The following R3HCC1 variants were observed in gnomAD, a reference collection of about 807,000 sequenced individuals.
The protein encoded by R3HCC1 is R3H domain and coiled-coil containing 1, also known as R3H and coiled-coil domain-containing protein 1.
A neutral mutation model predicts 40.0 loss-of-function variants in R3HCC1; 32 were observed. The ratio of observed to expected loss-of-function variants is 0.80; its 90% CI spans 0.60 to 1.07. The LOEUF is 1.07. Among genes scored for constraint, R3HCC1 ranks in the 50% least tolerant of loss-of-function variants. The pLI is 0.00. For missense variants in R3HCC1, 586 were observed against 563.3 expected, an observed-to-expected ratio of 1.04 and a Z score of -0.41; for synonymous variants, 237 against 232.8, an observed-to-expected ratio of 1.02 and a Z score of -0.17.
In R3HCC1 at chr8:23,294,828, A is replaced by G. The variant is rs1376976124; in HGVS notation, c.1156A>G (p.Thr386Ala). 7 of 1,551,268 alleles carry G rather than the reference A, an allele frequency of 4.5e-6. No individual in the cohort carries two copies. Among genetic ancestry groups the G allele is most frequent in the Non-Finnish European group, 5.2e-6 (6 of 1,146,888 alleles). Residue 386 changes from threonine to alanine, a missense_variant, in exon 7 of 8, where the codon ACC becomes GCC. Physicochemically the swap from Thr to Ala is moderately conservative, Grantham distance 58. Transcript: ENST00000265806. ...CAAGATCCGGCCCCTCACACAGGGA[A>G]CCAAGCAGTCAAAGCTCAAAGCCTT...
At chr8:23,295,584 G>A (rs1198975183) in intron 7 of R3HCC1, 1 of 461,118 alleles carries the variant, frequency 2.2e-6, no homozygotes, top group African/African-American at 2.0e-5. Flanking sequence ...AGCCAACATG[G>A]TCCAGGGTTT....
Position 23,289,102 on chromosome 8 carries a change from C to G in R3HCC1, c.197C>G (p.Ser66Cys). The G allele has an allele frequency of 6.5e-7, 1 of 1,536,446 alleles. No individual in the cohort carries two copies. Among genetic ancestry groups the G allele is most frequent in the Non-Finnish European group, 8.7e-7 (1 of 1,146,972 alleles). ...AATTTTGATCTCTTGAGCAGCTTCT[C>G]CGTTGGGGAGGGCTGGAAGAGGAGG... is the stretch of plus-strand genomic sequence containing the variant. Residue 66 changes from serine (S) to cysteine (C), a missense_variant, in exon 3 of 8, where the codon TCC (serine) becomes TGC (cysteine). Physicochemically the swap from Ser to Cys is moderately radical, Grantham distance 112. Transcript: ENST00000265806.
intron 1 of R3HCC1, 138 bp from the exon 2 acceptor site, chr8:23,288,368 G>A (rs1802786325): frequency 4.7e-6 from 6 of 1,284,330 alleles, no homozygotes; most frequent in Non-Finnish European, 6.3e-6. Context: ...GACTTGCCGG[G>A]GGTCCCTGGC....
rs1234810903 is a variant in R3HCC1, at chr8:23,288,533, C to T, written c.10C>T (p.Leu4Phe). Residue 4 changes from leucine (L) to phenylalanine (F), a missense_variant, in exon 2 of 8, where the codon CTC becomes TTC. By Grantham distance (22) the Leu-to-Phe change is conservative (BLOSUM62 0). Transcript: ENST00000265806. ...TCTCCCACCTGTCACCCTGGCCCTT[C>T]TCTGCTTGGATGGTGTCTTCCTCTC... is the stretch of plus-strand genomic sequence containing the variant. The T allele has an allele frequency of 6.5e-7, 1 of 1,536,132 alleles. No individual in the cohort carries two copies. The highest frequency in any genetic ancestry group is 1.2e-5 in the South Asian group (1 of 84,062).
rs1227884574 is a variant in R3HCC1, at chr8:23,295,597, T to G, written c.1193-370T>G. 1.1e-5 allele frequency: 5 copies of G among 462,908 alleles called. No individual in the cohort carries two copies. The Admixed American group carries it at 1.3e-4, about 12-fold the overall frequency. The allele number at this position is 462,908 out of a possible 1,614,324, so 28.7% of individuals were successfully genotyped here. ...GTAGCCAACATGGTCCAGGGTTTCT[T>G]GGAACAATAAATATCCTGTCCGTAG... On this transcript the variant is annotated intron_variant, in intron 7 of 7. Coordinates refer to ENST00000265806, the MANE Select transcript of R3HCC1 (RefSeq NM_001136108.3).
chr8:23,289,399 T>A (rs74549941), intron 3 of R3HCC1, among the ~76,000 whole-genome samples: 3,580 of 152,254 alleles, frequency 0.024, 59 homozygotes, highest in African/African-American at 0.04. Flanking sequence ...AGAGATCTGT[T>A]TAAGTAGTGG....
rs544049979 is a variant in R3HCC1, at chr8:23,293,435, G to A, written c.1096+62G>A. The A allele has an allele frequency of 6.0e-6, 8 of 1,336,448 alleles. No homozygotes were observed. In the East Asian group the frequency reaches 2.0e-4, roughly 34 times the overall value. 82.8% of individuals were successfully genotyped at this position (1,336,448 alleles called of 1,614,324 possible). A position where few individuals can be genotyped will look rare whatever the true frequency, so the allele number is the denominator to read the frequency against. On this transcript the variant is annotated intron_variant, in intron 6 of 7. Transcript: ENST00000265806. ...TCCCTGTTGAGAGGGAGGACCCTTG[G>A]TTCCCTGGGTAGAGGCCACCATCTC...
At chr8:23,288,461 G>T (rs1445185782) in intron 1 of R3HCC1, 45 bp from the exon 2 acceptor site, 6 of 1,528,526 alleles carry the variant, frequency 3.9e-6, no homozygotes, top group Non-Finnish European at 5.3e-6. Context: ...CGGGAGATCC[G>T]GGGGTCTGTG....
At position 23,290,362 on chromosome 8, in the gene R3HCC1, C is replaced by T. The variant is rs1164042806; in HGVS notation, c.745C>T (p.Leu249=). 2 of 1,551,700 alleles carry T rather than the reference C, an allele frequency of 1.3e-6. No homozygotes were observed. Among genetic ancestry groups the T allele is most frequent in the African/African-American group, 1.4e-5 (1 of 73,008 alleles). Residue 249 remains leucine (L), a synonymous_variant, in exon 4 of 8, where the codon CTG becomes TTG. Coordinates refer to ENST00000265806, the MANE Select transcript of R3HCC1 (RefSeq NM_001136108.3). ...AGACCTGGAAAAGGGGAAGGAGAGT[C>T]TGTTGGAGAAGAGGCTGGTGGCAGA...
At chr8:23,293,948 C>T (rs1236548695) in intron 6 of R3HCC1, among the ~76,000 whole-genome samples, 2 of 152,138 alleles carry the variant, frequency 1.3e-5, no homozygotes, top group East Asian at 3.9e-4. Context: ...CTGCATTGCC[C>T]TGCCACACCA....
intron 7 of R3HCC1, chr8:23,295,478 T>TA (rs1164387344): frequency 4.4e-6 from 2 of 457,622 alleles, no homozygotes; most frequent in Non-Finnish European, 8.8e-6. Flanking sequence ...TGAGAGATTT[T>TA]AGACACGAGT....
intron 2 of R3HCC1, 41 bp from the exon 3 acceptor site, chr8:23,288,958 ACCTGGTAGGGGCCAGGC>A: frequency 1.3e-6 from 2 of 1,523,844 alleles, no homozygotes; most frequent in Admixed American, 2.0e-5. Flanking sequence ...CTGGGAGTGG[ACCTGGTAGGGGCCAGGC>A]CCTGGACACC....
In R3HCC1 at chr8:23,288,506, G is replaced by T; in HGVS notation, c.-18G>T. 1 of 1,535,958 alleles carries T rather than the reference G, an allele frequency of 6.5e-7. No homozygotes were observed. The highest frequency in any genetic ancestry group is 8.7e-7 in the Non-Finnish European group (1 of 1,146,818). On this transcript the variant is annotated splice_region_variant and 5_prime_UTR_variant, in exon 2 of 8. Transcript: ENST00000265806. ...CCGGCCCTGCCCGTCTCTCTTACAG[G>T]CTCTCCCACCTGTCACCCTGGCCCT...
At chr8:23,290,562 AG>A in intron 4 of R3HCC1, 93 bp downstream of exon 4, 1 of 1,394,438 alleles carries the variant, frequency 7.2e-7, no homozygotes. Flanking sequence ...TGTGGAGAGC[AG>A]GGGATGTGCA....
chr8:23,296,058 GAA>G lies in R3HCC1; in HGVS notation c.1286_1287del (p.Lys429ArgfsTer56), dbSNP rs950201141. 7.1e-6 allele frequency: 11 copies of G among 1,550,568 alleles called. No individual in the cohort carries two copies. The African/African-American group carries it at 1.5e-4, about 21-fold the overall frequency. On this transcript the variant is annotated frameshift_variant, in exon 8 of 8. Transcript: ENST00000265806. LOFTEE classifies it low-confidence loss of function (END_TRUNC). ...GGGCCCTGGGACTCCAACACAAAAA[GAA>G]AGAGCGGCCTGCTGTCCGGGGTCCG...
Position 23,295,975 on chromosome 8 carries a change from C to T in R3HCC1, c.1201C>T (p.Arg401Cys), listed in dbSNP as rs376327043. Residue 401 changes from arginine to cysteine, a missense_variant, in exon 8 of 8, where the codon CGT becomes TGT. By Grantham distance (180) the Arg-to-Cys change is radical (BLOSUM62 -3). Transcript: ENST00000265806. ...TGGGGCTTTCCTTCTAGAACTCCTG[C>T]GTCTGGTGAAGGAGAGGCCACAGAC... 248 of 1,549,580 alleles carry T rather than the reference C, an allele frequency of 1.6e-4. No homozygotes were observed. The highest frequency in any genetic ancestry group is 1.9e-4 in the Non-Finnish European group (221 of 1,146,228).
At chr8:23,293,849 A>G (rs1433833962) in intron 6 of R3HCC1, among the ~76,000 whole-genome samples, 2 of 151,950 alleles carry the variant, frequency 1.3e-5, no homozygotes, top group African/African-American at 2.4e-5. Flanking sequence ...TCAGGGGTAC[A>G]CTCCAAGTTA....
chr8:23,295,773 C>G, intron 7 of R3HCC1, 194 bp from the exon 8 acceptor site: 1 of 758,846 alleles, frequency 1.3e-6, no homozygotes, highest in South Asian at 1.9e-5. Flanking sequence ...GGGTCAGCAT[C>G]CCCTGGGGGG....
intron 5 of R3HCC1, 43 bp downstream of exon 5, chr8:23,291,576 A>G (rs2272759): frequency 0.56 from 867,062 of 1,545,144 alleles, 245,793 homozygotes; most frequent in East Asian, 0.79. Flanking sequence ...AGAGGAGCTA[A>G]GATACTTCTC....
Sources: allele counts gnomAD v4.1 joint callset (sites outside exome capture counted in the v4.1 genomes callset), GRCh38; gene constraint gnomAD v4.1.1; transcripts MANE v1.5; gene names NCBI Gene and HGNC (gene_info 2026-07-23, HGNC 2026-07-21).